Variants in MBNL2 observed in about 807,000 individuals in gnomAD.
MBNL2 encodes muscleblind-like protein 2.
A neutral mutation model predicts 41.9 loss-of-function variants in MBNL2; 17 were observed. That is an observed-to-expected ratio of 0.41 (90% CI 0.28 to 0.61). MBNL2 has a LOEUF of 0.61. Ranked by LOEUF, MBNL2 falls within the 20% of genes least tolerant of loss-of-function variation. The probability of loss-of-function intolerance (pLI) is 0.35; values close to 1 mark genes in which losing one functional copy is unlikely to be tolerated. For missense variants in MBNL2, 336 were observed against 505.6 expected (o/e 0.66, Z 3.22); for synonymous variants, 195 against 182.9 (o/e 1.07, Z -0.53).
At chr13:97,369,778 CTG>C (rs1247634546) in intron 8 of MBNL2, among the ~76,000 whole-genome samples, 2 of 152,150 alleles carry the variant, frequency 1.3e-5, no homozygotes, top group African/African-American at 2.4e-5. Context: ...TGAATTTAGA[CTG>C]GTGGTTTGAG....
rs1555307686 is a variant in MBNL2 at position 97,268,089 on chromosome 13, C to CTTCCTTCCTTCT, written c.-604-7532_-604-7531insTTTCCTTCCTTC. Among the ~76,000 whole-genome samples, 756 of 151,324 alleles carry CTTCCTTCCTTCT rather than the reference C, an allele frequency of 5.0e-3. 5 individuals are homozygous for CTTCCTTCCTTCT. The highest frequency in any genetic ancestry group is 0.018 in the African/African-American group (723 of 41,254). On this transcript the variant is annotated intron_variant, in intron 1 of 8. Coordinates refer to ENST00000679496, the MANE Select transcript of MBNL2 (RefSeq NM_001382683.1). The surrounding 1 kb of genome is among the most constrained non-coding windows in gnomAD (Gnocchi z 4.6). ...TCTTTTTTCTTTCCTTCCTTCCTTC[C>CTTCCTTCCTTCT]TTCCTTCCTTCCTTTCTTTCTTTTG... is the stretch of plus-strand genomic sequence containing the variant.
intron 8 of MBNL2, among the ~76,000 whole-genome samples, chr13:97,384,509 G>A (rs1260194489): frequency 6.6e-6 from 1 of 152,108 alleles, no homozygotes; most frequent in East Asian, 1.9e-4. Flanking sequence ...GTGGAGAAGA[G>A]GTGTGGGGCA....
At chr13:97,377,496 T>C (rs759633076) in intron 8 of MBNL2, among the ~76,000 whole-genome samples, 9 of 152,216 alleles carry the variant, frequency 5.9e-5, no homozygotes, top group Non-Finnish European at 1.3e-4. Context: ...TAGAACAGTT[T>C]TTGAGGAATC....
chr13:97,307,547 A>G (rs531014298), intron 2 of MBNL2, among the ~76,000 whole-genome samples: 1 of 152,324 alleles, frequency 6.6e-6, no homozygotes, highest in Non-Finnish European at 1.5e-5. Flanking sequence ...CCCATATTTC[A>G]TGTGATTCCA....
At chr13:97,340,411 T>G (rs927276414) in intron 3 of MBNL2, among the ~76,000 whole-genome samples, 7 of 152,212 alleles carry the variant, frequency 4.6e-5, no homozygotes, top group African/African-American at 1.4e-4. Flanking sequence ...TTACTCACTT[T>G]TATACCCTTA....
intron 2 of MBNL2, among the ~76,000 whole-genome samples, chr13:97,276,939 T>G (rs2052280711): frequency 6.6e-6 from 1 of 152,200 alleles, no homozygotes; most frequent in Non-Finnish European, 1.5e-5. Context: ...TCATGTGAGT[T>G]ATATGACAAA....
chr13:97,260,284 T>TG (rs1350059110), intron 1 of MBNL2, among the ~76,000 whole-genome samples: 2 of 152,032 alleles, frequency 1.3e-5, no homozygotes, highest in East Asian at 1.9e-4. Context: ...CCAGGATGGT[T>TG]GGGGGGAGTC....
At chr13:97,161,213 G>T in the MBNL2 span, among the ~76,000 whole-genome samples, 1 of 152,156 alleles carries the variant, frequency 6.6e-6, no homozygotes, top group Non-Finnish European at 1.5e-5. Flanking sequence ...ATTTAGCATT[G>T]AGAGGAAATT....
chr13:97,328,568 C>G (rs2060108720), intron 2 of MBNL2, among the ~76,000 whole-genome samples: 1 of 152,190 alleles, frequency 6.6e-6, no homozygotes, highest in Non-Finnish European at 1.5e-5. Context: ...GGATTCCAGC[C>G]CTTCGCTAGA....
rs991108883 is a variant in MBNL2, at chr13:97,393,232, G to A, written c.*1783G>A. 14 of 152,272 alleles carry A rather than the reference G, an allele frequency of 9.2e-5. No homozygotes were observed. Among genetic ancestry groups the A allele is most frequent in the South Asian group, 2.1e-4 (1 of 4,828 alleles). The allele number at this position is 152,272 out of a possible 1,614,324, so 9.4% of individuals were successfully genotyped here. On this transcript the variant is annotated 3_prime_UTR_variant, in exon 9 of 9. Transcript: ENST00000679496. ...TTCTCAACTATAACAATGTAGTTAC[G>A]CTACAACTTGCCTAAAACATTCAAA...
intron 7 of MBNL2, among the ~76,000 whole-genome samples, chr13:97,361,717 C>A (rs1401207712): frequency 6.7e-6 from 1 of 149,984 alleles, no homozygotes; most frequent in Non-Finnish European, 1.5e-5. Context: ...CCCCTCCACA[C>A]TGGAATGAAA....
intron 2 of MBNL2, among the ~76,000 whole-genome samples, chr13:97,319,707 G>A (rs1056891459): frequency 6.6e-6 from 1 of 152,126 alleles, no homozygotes; most frequent in Admixed American, 6.5e-5. Context: ...TTTTTATCAA[G>A]TCATTCTCTG....
intron 2 of MBNL2, among the ~76,000 whole-genome samples, chr13:97,286,263 C>T (rs2054418560): frequency 1.3e-5 from 2 of 152,156 alleles, no homozygotes; most frequent in African/African-American, 4.8e-5. Context: ...TCATTGGACC[C>T]ATTCTCAGTA....
chr13:97,363,463 T>TGTGTGA (rs1491108869), intron 7 of MBNL2, among the ~76,000 whole-genome samples: 21 of 144,640 alleles, frequency 1.5e-4, no homozygotes, highest in African/African-American at 5.4e-4. Flanking sequence ...TGTGTGTGTG[T>TGTGTGA]GATCAAAAAT....
At chr13:97,368,700 T>TTGTGTGTG (rs140107508) in intron 8 of MBNL2, among the ~76,000 whole-genome samples, 29,921 of 148,186 alleles carry the variant, frequency 0.2, 3,004 homozygotes, top group Middle Eastern at 0.27. Context: ...ATATTCAAGT[T>TTGTGTGTG]TGTGTGTGTG....
chr13:97,155,646 G>C, the MBNL2 span, among the ~76,000 whole-genome samples: 2 of 150,594 alleles, frequency 1.3e-5, no homozygotes, highest in Non-Finnish European at 3.0e-5. Context: ...AATATGCGGT[G>C]TTTGGTTTTT....
intron 2 of MBNL2, among the ~76,000 whole-genome samples, chr13:97,290,096 C>T (rs2055517068): frequency 6.6e-6 from 1 of 152,180 alleles, no homozygotes; most frequent in Non-Finnish European, 1.5e-5. Context: ...TCATGGAGTT[C>T]CCAAACCAGT....
chr13:97,151,955 A>C, the MBNL2 span, among the ~76,000 whole-genome samples: 1 of 152,202 alleles, frequency 6.6e-6, no homozygotes, highest in Non-Finnish European at 1.5e-5. Flanking sequence ...TTCCAACAGC[A>C]CTTTATCAGC....
At chr13:97,242,592 G>A (rs1461886797) in intron 1 of MBNL2, among the ~76,000 whole-genome samples, 1 of 152,150 alleles carries the variant, frequency 6.6e-6, no homozygotes, top group African/African-American at 2.4e-5. Flanking sequence ...GGCCCCATGT[G>A]GAACACAGAA....
Sources: allele counts gnomAD v4.1 joint callset (sites outside exome capture counted in the v4.1 genomes callset), GRCh38; gene constraint gnomAD v4.1.1; non-coding constraint Gnocchi (gnomAD v3.1); transcripts MANE v1.5; gene names NCBI Gene and HGNC (gene_info 2026-07-23, HGNC 2026-07-21).